Variants in ATP13A4 observed in about 807,000 individuals in gnomAD.
ATP13A4 encodes the protein ATPase 13A4.
ATP13A4 carries 114 observed loss-of-function variants against 142.5 expected under a neutral mutation model. The observed-to-expected ratio is 0.80, with a 90% CI of 0.69 to 0.93. The LOEUF (loss-of-function observed/expected upper bound fraction) is 0.93, where lower values mean the gene tolerates loss of function less well. ATP13A4 is among the 40% of genes least tolerant of loss of function. The pLI, the probability that ATP13A4 is intolerant of heterozygous loss-of-function variation, is 0.00. For missense variants in ATP13A4, 1,392 were observed against 1,454.0 expected (o/e 0.96, Z 0.69); for synonymous variants, 488 against 514.8 (o/e 0.95, Z 0.70).
At chr3:193,503,273 A>G (rs1212402042) in intron 2 of ATP13A4, among the ~76,000 whole-genome samples, 2 of 152,228 alleles carry the variant, frequency 1.3e-5, no homozygotes, top group Non-Finnish European at 2.9e-5. Context: ...CCAAGATGTT[A>G]GCACAGGTGG....
chr3:193,481,099 C>A (rs889209310), intron 8 of ATP13A4, among the ~76,000 whole-genome samples: 18 of 152,074 alleles, frequency 1.2e-4, no homozygotes, highest in Non-Finnish European at 4.4e-5. Context: ...ATAAGAATGA[C>A]ACAATGCACT....
chr3:193,557,645 C>T (rs889356700), upstream of ATP13A4, among the ~76,000 whole-genome samples: 21 of 152,266 alleles, frequency 1.4e-4, no homozygotes, highest in African/African-American at 4.8e-4. Flanking sequence ...AATGAGTATT[C>T]GGACCTAGGC....
chr3:193,474,322 C>CAAAAAAAA (rs1176133187), intron 8 of ATP13A4, among the ~76,000 whole-genome samples: 9 of 69,088 alleles, frequency 1.3e-4, no homozygotes, highest in African/African-American at 3.1e-4. Flanking sequence ...GACTCCGTCT[C>CAAAAAAAA]AAAAAAAAAA....
At chr3:193,513,401 G>A (rs1026659991) in intron 2 of ATP13A4, among the ~76,000 whole-genome samples, 4 of 152,118 alleles carry the variant, frequency 2.6e-5, no homozygotes, top group East Asian at 1.9e-4. Context: ...GTTGTCATTC[G>A]GGGCCATGGG....
At chr3:193,494,281 CTAATAGACACT>C (rs1720106508) in intron 3 of ATP13A4, among the ~76,000 whole-genome samples, 1 of 151,988 alleles carries the variant, frequency 6.6e-6, no homozygotes, top group East Asian at 1.9e-4. Context: ...CCAAATGGAC[CTAATAGACACT>C]TACAGAACAT....
At chr3:193,519,389 C>T (rs893548281) in intron 1 of ATP13A4, among the ~76,000 whole-genome samples, 12 of 152,112 alleles carry the variant, frequency 7.9e-5, no homozygotes, top group Middle Eastern at 3.4e-3. Flanking sequence ...CATCTTGGAC[C>T]ACTTTCCCTC....
chr3:193,575,951 T>C (rs2108743692), intron 2 of ATP13A4, among the ~76,000 whole-genome samples: 1 of 152,296 alleles, frequency 6.6e-6, no homozygotes, highest in South Asian at 2.1e-4. Flanking sequence ...CACTTTTGAT[T>C]GTCTTGACTG....
intron 2 of ATP13A4, among the ~76,000 whole-genome samples, chr3:193,510,850 C>T (rs1000546082): frequency 9.9e-5 from 15 of 152,038 alleles, no homozygotes; most frequent in African/African-American, 3.6e-4. Flanking sequence ...AACAGATATA[C>T]AACACATTTT....
At chr3:193,476,828 AG>A (rs1718992156) in intron 8 of ATP13A4, among the ~76,000 whole-genome samples, 1 of 152,038 alleles carries the variant, frequency 6.6e-6, no homozygotes, top group Non-Finnish European at 1.5e-5. Context: ...ACACCGATTA[AG>A]TTTGCTATCT....
chr3:193,493,839 G>A (rs1411848227), intron 3 of ATP13A4, among the ~76,000 whole-genome samples: 1 of 151,976 alleles, frequency 6.6e-6, no homozygotes, highest in Non-Finnish European at 1.5e-5. Context: ...GAAAAGCAGT[G>A]CCCAGTCATT....
chr3:193,512,954 C>G (rs936807698), intron 2 of ATP13A4, among the ~76,000 whole-genome samples: 3 of 152,210 alleles, frequency 2.0e-5, no homozygotes, highest in South Asian at 2.1e-4. Context: ...AAGCACAGCT[C>G]CAGCTCAACA....
At chr3:193,522,434 T>C (rs1721774746) in intron 1 of ATP13A4, among the ~76,000 whole-genome samples, 1 of 152,196 alleles carries the variant, frequency 6.6e-6, no homozygotes, top group African/African-American at 2.4e-5. Context: ...GTAAGGAAGG[T>C]AGTATCAGGC....
In ATP13A4 at chr3:193,412,327, G is replaced by C. The variant is rs1186286178; in HGVS notation, c.3059C>G (p.Ser1020Cys). 3.1e-6 allele frequency: 5 copies of C among 1,614,012 alleles called. No homozygotes were observed. Among genetic ancestry groups the C allele is most frequent in the African/African-American group, 2.7e-5 (2 of 74,914 alleles). Reference protein sequence around the residue: ...QNESISELTMSPTAPEKMESN... With the variant: ...QNESISELTMCPTAPEKMESN... ...TTCCATTTTTTCTGGAGCAGTTGGA[G>C]ACATGGTTAACTCTGAGATGCTTTC... Residue 1020 changes from serine to cysteine, a missense_variant, in exon 27 of 30, where the codon TCT becomes TGT. Transcript: ENST00000342695.
intron 19 of ATP13A4, among the ~76,000 whole-genome samples, chr3:193,442,017 C>T (rs1176668713): frequency 1.3e-5 from 2 of 152,142 alleles, no homozygotes; most frequent in Non-Finnish European, 2.9e-5. Context: ...TTTTCTCACC[C>T]TGAAAACATA....
chr3:193,539,195 A>G (rs976990963), intron 1 of ATP13A4, among the ~76,000 whole-genome samples: 14 of 152,106 alleles, frequency 9.2e-5, no homozygotes, highest in Admixed American at 2.6e-4. Flanking sequence ...TTTTCAAAGA[A>G]AGTTTACAAA....
Position 193,489,802 on chromosome 3 carries a change from A to G in ATP13A4, c.666T>C (p.Tyr222=). 6.2e-7 allele frequency: 1 copy of G among 1,610,606 alleles called. No homozygotes were observed. The highest frequency in any genetic ancestry group is 8.5e-7 in the Non-Finnish European group (1 of 1,176,866). ...FSVCLWFSED[Y]KEYAFAIIIM... ...TTATGATGGCAAAAGCATATTCCTT[A>G]TAGTCTTCACTAAACCACAAACAGA... Residue 222 remains tyrosine (Y), a synonymous_variant, in exon 7 of 30, where the codon TAT becomes TAC. Coordinates refer to ENST00000342695, the MANE Select transcript of ATP13A4 (RefSeq NM_032279.4).
chr3:193,502,954 T>C (rs1347167427), intron 2 of ATP13A4, among the ~76,000 whole-genome samples: 1 of 152,016 alleles, frequency 6.6e-6, no homozygotes, highest in Non-Finnish European at 1.5e-5. Context: ...CATGACCTGA[T>C]GACCATCCCC....
At chr3:193,477,747 G>A (rs9811125) in intron 8 of ATP13A4, among the ~76,000 whole-genome samples, 70,424 of 151,790 alleles carry the variant, frequency 0.46, 16,373 homozygotes, top group East Asian at 0.51. Flanking sequence ...GATGAGCATC[G>A]ATGGAGATCT....
intron 2 of ATP13A4, among the ~76,000 whole-genome samples, chr3:193,511,789 T>A (rs1458701365): frequency 6.6e-6 from 1 of 151,608 alleles, no homozygotes; most frequent in Non-Finnish European, 1.5e-5. Flanking sequence ...ACTGCCCCAT[T>A]TTACAAGTGG....
Sources: allele counts gnomAD v4.1 joint callset (sites outside exome capture counted in the v4.1 genomes callset), GRCh38; gene constraint gnomAD v4.1.1; transcripts MANE v1.5; gene names NCBI Gene and HGNC (gene_info 2026-07-23, HGNC 2026-07-21).